PIK3C2G: variants seen among roughly 807,000 people sequenced by gnomAD.
The protein encoded by PIK3C2G is phosphatidylinositol 3-kinase C2 domain-containing subunit gamma.
In PIK3C2G, 168 loss-of-function variants were observed where a neutral mutation model predicts 181.1. That is an observed-to-expected ratio of 0.93 (90% confidence interval 0.82 to 1.05). The LOEUF is 1.05. PIK3C2G is among the 50% of genes least tolerant of loss of function. The probability of loss-of-function intolerance (pLI) is 0.00; values close to 1 mark genes in which losing one functional copy is unlikely to be tolerated. For synonymous variants in PIK3C2G, 573 were observed against 592.2 expected (o/e 0.97, Z 0.47); for missense variants, 1,869 against 1,732.8 (o/e 1.08, Z -1.40).
chr12:18,521,616 G>T (rs1477115178), intron 24 of PIK3C2G, among the ~76,000 whole-genome samples: 2 of 152,184 alleles, frequency 1.3e-5, no homozygotes, highest in Non-Finnish European at 2.9e-5. Context: ...GCCAGGAGGG[G>T]TGGGGGGTTA....
At chr12:18,601,768 T>C (rs531288326) in intron 30 of PIK3C2G, among the ~76,000 whole-genome samples, 85 of 152,174 alleles carry the variant, frequency 5.6e-4, no homozygotes, top group African/African-American at 1.9e-3. Flanking sequence ...AACGTCCAAA[T>C]AGCAAAGCAA....
chr12:18,534,225 C>T (rs1438821479), intron 24 of PIK3C2G, among the ~76,000 whole-genome samples: 3 of 152,054 alleles, frequency 2.0e-5, no homozygotes, highest in African/African-American at 7.2e-5. Context: ...GCTGGGATTA[C>T]AGGTGTGAGC....
At chr12:18,402,860 G>A (rs1355446503) in intron 16 of PIK3C2G, among the ~76,000 whole-genome samples, 2 of 151,946 alleles carry the variant, frequency 1.3e-5, no homozygotes, top group East Asian at 3.9e-4. Context: ...TTTTTACTTA[G>A]TGCCCCTTAG....
rs1270363370 is a variant in PIK3C2G, at chr12:18,496,091, G to T, written c.2823G>T (p.Leu941Phe). 6.5e-7 allele frequency: 1 copy of T among 1,535,586 alleles called. No homozygotes were observed. The highest frequency in any genetic ancestry group is 2.4e-5 in the East Asian group (1 of 41,596). The change falls in exon 21 of 33, where the codon TTG (leucine) becomes TTT (phenylalanine). Residue 941 changes from leucine (L) to phenylalanine (F), a missense_variant. Transcript: ENST00000538779. The stretch of plus-strand genomic sequence containing the variant: ...GTTCATATTTTACATCTAATGCTTT[G>T]CCATTGAAGATTACTTTCATCAATG... ...DACSYFTSNA[L>F]PLKITFINAN...
chr12:18,716,516 T>C, the PIK3C2G span, among the ~76,000 whole-genome samples: 1 of 152,192 alleles, frequency 6.6e-6, no homozygotes, highest in Non-Finnish European at 1.5e-5. Flanking sequence ...CTATTTAACT[T>C]TGAGCCTTTT....
intron 32 of PIK3C2G, among the ~76,000 whole-genome samples, chr12:18,643,872 GT>G (rs941279992): frequency 2.0e-5 from 3 of 152,066 alleles, no homozygotes; most frequent in African/African-American, 7.2e-5. Context: ...TTCTCAAACT[GT>G]AAAAGCCGTG....
chr12:18,292,655 T>C (rs544681585), intron 4 of PIK3C2G, among the ~76,000 whole-genome samples: 2 of 152,296 alleles, frequency 1.3e-5, no homozygotes, highest in African/African-American at 4.8e-5. Flanking sequence ...GATTATGATA[T>C]GTGAATATGA....
intron 26 of PIK3C2G, among the ~76,000 whole-genome samples, chr12:18,549,016 A>G (rs1944589752): frequency 6.6e-6 from 1 of 152,006 alleles, no homozygotes; most frequent in South Asian, 2.1e-4. Context: ...AAACACTCCA[A>G]TGGAATCATA....
chr12:18,688,925 C>G, the PIK3C2G span, among the ~76,000 whole-genome samples: 1 of 148,194 alleles, frequency 6.7e-6, no homozygotes, highest in South Asian at 2.1e-4. Context: ...TAAGGAGAAA[C>G]AAATATATAA....
At chr12:18,451,156 T>C (rs1470279473) in intron 18 of PIK3C2G, among the ~76,000 whole-genome samples, 1 of 152,202 alleles carries the variant, frequency 6.6e-6, no homozygotes, top group Non-Finnish European at 1.5e-5. Context: ...AATCTACAAA[T>C]TACTTTGTGC....
At chr12:18,270,692 G>T (rs1362865689) in intron 1 of PIK3C2G, among the ~76,000 whole-genome samples, 2 of 152,008 alleles carry the variant, frequency 1.3e-5, no homozygotes, top group African/African-American at 2.4e-5. Flanking sequence ...ATGGTTAAAA[G>T]ATATAATGCT....
intron 16 of PIK3C2G, among the ~76,000 whole-genome samples, chr12:18,420,419 T>A (rs543232084): frequency 9.5e-4 from 145 of 152,302 alleles, no homozygotes; most frequent in African/African-American, 3.3e-3. Context: ...AAGGCACAGT[T>A]TCTTTCAAGA....
intron 8 of PIK3C2G, among the ~76,000 whole-genome samples, chr12:18,327,028 A>T (rs531906607): frequency 1.3e-5 from 2 of 152,262 alleles, no homozygotes; most frequent in East Asian, 3.9e-4. Context: ...TTTGAAAGAA[A>T]TGATTGACTA....
In PIK3C2G at chr12:18,563,488, A is replaced by T. The variant is rs1303496008; in HGVS notation, c.3892A>T (p.Thr1298Ser). ...SQLQKQFASLTLPEFPHWWHL... is the reference protein window; with the variant it reads ...SQLQKQFASLSLPEFPHWWHL... ...ACTTCAGAAGCAGTTTGCATCACTG[A>T]CTCTCCCAGAGTAAGGCACTGTCCT... The change falls in exon 28 of 33, where the codon ACT (threonine) becomes TCT (serine). Residue 1298 changes from threonine to serine, a missense_variant. By Grantham distance (58) the Thr-to-Ser change is moderately conservative. Coordinates refer to ENST00000538779, the MANE Select transcript of PIK3C2G (RefSeq NM_001288772.2). 1 of 1,613,452 alleles carries T rather than the reference A, an allele frequency of 6.2e-7. No individual in the cohort carries two copies. The highest frequency in any genetic ancestry group is 8.5e-7 in the Non-Finnish European group (1 of 1,179,674).
intron 21 of PIK3C2G, 68 bp from the exon 22 acceptor site, chr12:18,497,551 T>C (rs1039754287): frequency 9.8e-6 from 12 of 1,228,406 alleles, no homozygotes; most frequent in African/African-American, 1.5e-5. Context: ...TGACATGTAC[T>C]GTATTTGACT....
intron 12 of PIK3C2G, among the ~76,000 whole-genome samples, chr12:18,365,869 T>G (rs1405733929): frequency 6.6e-6 from 1 of 152,188 alleles, no homozygotes; most frequent in East Asian, 1.9e-4. Context: ...GGATAATCAA[T>G]TCTAATTCTG....
At chr12:18,466,585 A>G (rs1293620197) in intron 18 of PIK3C2G, among the ~76,000 whole-genome samples, 1 of 151,928 alleles carries the variant, frequency 6.6e-6, no homozygotes, top group Non-Finnish European at 1.5e-5. Flanking sequence ...TTTGTTACAC[A>G]TTTAATCAGA....
At chr12:18,547,597 T>C (rs1944499259) in intron 26 of PIK3C2G, among the ~76,000 whole-genome samples, 3 of 151,888 alleles carry the variant, frequency 2.0e-5, no homozygotes, top group African/African-American at 7.3e-5. Context: ...GTACTCAATA[T>C]TGGAAATTAT....
At chr12:18,353,673 T>C (rs1441963568) in intron 11 of PIK3C2G, among the ~76,000 whole-genome samples, 1 of 152,176 alleles carries the variant, frequency 6.6e-6, no homozygotes, top group African/African-American at 2.4e-5. Flanking sequence ...TCTAAAGTAG[T>C]ATCTGTTCCC....
Sources: allele counts gnomAD v4.1 joint callset (sites outside exome capture counted in the v4.1 genomes callset), GRCh38; gene constraint gnomAD v4.1.1; transcripts MANE v1.5; gene names NCBI Gene and HGNC (gene_info 2026-07-23, HGNC 2026-07-21).